SLC68A1: variants seen among roughly 807,000 people sequenced by gnomAD.
The protein encoded by SLC68A1 is major facilitator superfamily domain containing 13A.
the SLC68A1 span, chr10:102,471,269 A>T: frequency 1.2e-6 from 2 of 1,613,562 alleles, no homozygotes; most frequent in Non-Finnish European, 1.7e-6. Flanking sequence ...CTTCTGCCCC[A>T]TAGCCTGTGT....
At chr10:102,476,074 A>AATT in the SLC68A1 span, 1 of 1,167,706 alleles carries the variant, frequency 8.6e-7, no homozygotes, top group Non-Finnish European at 1.1e-6. Context: ...AGGATTTCAT[A>AATT]GTTTTTTTTT....
the SLC68A1 span, among the ~76,000 whole-genome samples, chr10:102,467,177 C>T: frequency 1.3e-5 from 2 of 152,198 alleles, no homozygotes; most frequent in South Asian, 4.1e-4. Flanking sequence ...GCTGGGATTA[C>T]AGGCGCCCGC....
At chr10:102,468,681 G>C in the SLC68A1 span, 1 of 171,870 alleles carries the variant, frequency 5.8e-6, no homozygotes, top group Non-Finnish European at 1.2e-5. Flanking sequence ...AAAAAAAAAA[G>C]ACATCGAGCA....
the SLC68A1 span, chr10:102,473,007 T>C: frequency 7.4e-7 from 1 of 1,346,910 alleles, no homozygotes; most frequent in Non-Finnish European, 1.1e-6. Flanking sequence ...CCTGTATTTT[T>C]AGTAGAGATG....
At chr10:102,477,007 C>T in the SLC68A1 span, 1 of 985,556 alleles carries the variant, frequency 1.0e-6, no homozygotes, top group Non-Finnish European at 1.2e-6. Flanking sequence ...TGTTTATTTC[C>T]TTATAGACTG....
At chr10:102,473,739 C>T in the SLC68A1 span, 2 of 1,612,080 alleles carry the variant, frequency 1.2e-6, no homozygotes, top group African/African-American at 1.3e-5. Flanking sequence ...TCTTCATTGC[C>T]AGGTATGCCC....
the SLC68A1 span, chr10:102,471,477 T>C: frequency 1 from 1,564,456 of 1,565,052 alleles, 781,935 homozygotes; most frequent in East Asian, 1. Flanking sequence ...GCTGGGAACT[T>C]GGCCACGCAT....
At chr10:102,472,868 C>T in the SLC68A1 span, 6 of 1,614,182 alleles carry the variant, frequency 3.7e-6, no homozygotes, top group Admixed American at 6.7e-5. Context: ...TCCACTGCCA[C>T]TTCAACAGCA....
chr10:102,468,707 C>T, the SLC68A1 span: 14 of 243,584 alleles, frequency 5.7e-5, no homozygotes, highest in African/African-American at 3.0e-4. Flanking sequence ...CCCTGGCACG[C>T]GACCTGGCTC....
chr10:102,470,200 T>C, the SLC68A1 span: 1 of 897,880 alleles, frequency 1.1e-6, no homozygotes, highest in Non-Finnish European at 1.7e-6. Context: ...TGCCCATGGC[T>C]CTTCCCTTAC....
chr10:102,463,243 G>C, the SLC68A1 span, among the ~76,000 whole-genome samples: 1 of 150,502 alleles, frequency 6.6e-6, no homozygotes, highest in Non-Finnish European at 1.5e-5. Context: ...CGCGATTTCG[G>C]CTCACTGCAA....
chr10:102,470,853 C>A, the SLC68A1 span: 11 of 1,613,326 alleles, frequency 6.8e-6, no homozygotes, highest in Non-Finnish European at 9.3e-6. Context: ...CACCACCATG[C>A]CTTGCTGGCC....
At chr10:102,465,157 G>A in the SLC68A1 span, among the ~76,000 whole-genome samples, 20 of 151,478 alleles carry the variant, frequency 1.3e-4, no homozygotes, top group Non-Finnish European at 2.9e-4. Context: ...TACTCAGGAG[G>A]CTGAGGCAGG....
chr10:102,473,753 C>T, the SLC68A1 span: 1 of 1,609,730 alleles, frequency 6.2e-7, no homozygotes, highest in African/African-American at 1.3e-5. Context: ...TATGCCCCTG[C>T]CCACGCTCCC....
At chr10:102,472,747 G>C in the SLC68A1 span, 1 of 837,460 alleles carries the variant, frequency 1.2e-6, no homozygotes, top group Non-Finnish European at 2.1e-6. Context: ...CGCTCTTGCT[G>C]CTCTGAGGAT....
chr10:102,468,819 T>C, the SLC68A1 span: 1 of 551,370 alleles, frequency 1.8e-6, no homozygotes, highest in African/African-American at 1.9e-5. Context: ...CTGTTATACT[T>C]CATTCATAAT....
At chr10:102,472,884 T>A in the SLC68A1 span, 3 of 1,614,196 alleles carry the variant, frequency 1.9e-6, no homozygotes, top group Non-Finnish European at 2.5e-6. Flanking sequence ...CAGCAACTTC[T>A]TCCCTCTCTT....
the SLC68A1 span, among the ~76,000 whole-genome samples, chr10:102,462,602 C>G: frequency 3.9e-5 from 6 of 152,134 alleles, no homozygotes; most frequent in African/African-American, 1.4e-4. Context: ...CTAGTCTTTA[C>G]CTACCAGGGG....
chr10:102,461,753 C>G, the SLC68A1 span: 2 of 152,274 alleles, frequency 1.3e-5, no homozygotes, highest in Non-Finnish European at 2.9e-5. Flanking sequence ...GAGGGATGCA[C>G]TGGTCAGGTC....
Sources: allele counts gnomAD v4.1 joint callset (sites outside exome capture counted in the v4.1 genomes callset), GRCh38; gene constraint gnomAD v4.1.1; transcripts MANE v1.5; gene names NCBI Gene and HGNC (gene_info 2026-07-23, HGNC 2026-07-21).